DRC8: variants seen among roughly 807,000 people sequenced by gnomAD.
DRC8 encodes the protein dynein regulatory complex protein 8.
At chr1:245,095,785 TAATTG>T in the DRC8 span, among the ~76,000 whole-genome samples, 363 of 152,292 alleles carry the variant, frequency 2.4e-3, no homozygotes, top group South Asian at 0.011. Flanking sequence ...AATCTTAATT[TAATTG>T]TTCACTTAGA....
the DRC8 span, among the ~76,000 whole-genome samples, chr1:245,109,011 T>C: frequency 1.3e-5 from 2 of 152,072 alleles, no homozygotes; most frequent in Admixed American, 6.5e-5. Flanking sequence ...CAATAGTATG[T>C]GAGTAGGGAA....
At chr1:244,998,198 A>G in the DRC8 span, among the ~76,000 whole-genome samples, 1 of 151,638 alleles carries the variant, frequency 6.6e-6, no homozygotes, top group Admixed American at 6.6e-5. Context: ...CCTTACATAT[A>G]TATTTATTTT....
the DRC8 span, among the ~76,000 whole-genome samples, chr1:245,054,641 T>C: frequency 6.6e-6 from 1 of 152,278 alleles, no homozygotes; most frequent in East Asian, 1.9e-4. Context: ...TCTTGGATCG[T>C]TCCTTGAATG....
chr1:244,997,267 C>T, the DRC8 span, among the ~76,000 whole-genome samples: 5 of 151,772 alleles, frequency 3.3e-5, no homozygotes, highest in African/African-American at 7.3e-5. Flanking sequence ...TCCTTTGGAG[C>T]GTCAGACTTA....
At chr1:245,066,261 C>T in the DRC8 span, among the ~76,000 whole-genome samples, 1 of 152,190 alleles carries the variant, frequency 6.6e-6, no homozygotes. Context: ...GCCTCCTTAA[C>T]ACAGAAGTTT....
the DRC8 span, among the ~76,000 whole-genome samples, chr1:244,973,961 A>T: frequency 6.6e-6 from 1 of 152,182 alleles, no homozygotes; most frequent in East Asian, 1.9e-4. Flanking sequence ...CATACAGTAT[A>T]ATTTATTTTT....
chr1:245,021,851 T>G, the DRC8 span, among the ~76,000 whole-genome samples: 1 of 152,198 alleles, frequency 6.6e-6, no homozygotes, highest in Non-Finnish European at 1.5e-5. Context: ...AATACATATT[T>G]TGTTTTAGAG....
At chr1:245,058,362 T>G in the DRC8 span, among the ~76,000 whole-genome samples, 1 of 152,226 alleles carries the variant, frequency 6.6e-6, no homozygotes, top group Non-Finnish European at 1.5e-5. Context: ...CTTCATTTAT[T>G]AAGAAGGAAG....
At chr1:245,083,669 C>G in the DRC8 span, 1 of 1,610,452 alleles carries the variant, frequency 6.2e-7, no homozygotes, top group Non-Finnish European at 8.5e-7. Context: ...ACGAGCTGAT[C>G]AAGTATATGA....
At chr1:245,061,146 T>G in the DRC8 span, among the ~76,000 whole-genome samples, 1 of 152,274 alleles carries the variant, frequency 6.6e-6, no homozygotes, top group Non-Finnish European at 1.5e-5. Flanking sequence ...TATAGCCATG[T>G]GGCCTTCAAT....
chr1:245,002,092 G>A, the DRC8 span: 216 of 1,546,616 alleles, frequency 1.4e-4, 4 homozygotes, highest in Admixed American at 3.9e-3. Context: ...TGATCACCAA[G>A]TACTCTTCAT....
chr1:244,975,517 A>T, the DRC8 span, among the ~76,000 whole-genome samples: 1 of 152,198 alleles, frequency 6.6e-6, no homozygotes, highest in African/African-American at 2.4e-5. Context: ...TGTAATGGGG[A>T]CAATGTTTTC....
the DRC8 span, among the ~76,000 whole-genome samples, chr1:245,017,929 CA>C: frequency 1.3e-5 from 2 of 151,970 alleles, no homozygotes; most frequent in Non-Finnish European, 2.9e-5. Flanking sequence ...CCACACACAT[CA>C]AAGAAAAGCA....
chr1:245,017,542 T>G, the DRC8 span, among the ~76,000 whole-genome samples: 3 of 119,614 alleles, frequency 2.5e-5, no homozygotes, highest in Admixed American at 9.1e-5. Flanking sequence ...TATACTGTAT[T>G]CTCATTGCCT....
At chr1:245,059,256 T>C in the DRC8 span, 2 of 646,412 alleles carry the variant, frequency 3.1e-6, no homozygotes, top group Non-Finnish European at 5.3e-6. Context: ...AAAACATCTT[T>C]TATAATCATG....
chr1:245,015,829 GTC>G, the DRC8 span: 1 of 177,444 alleles, frequency 5.6e-6, no homozygotes, highest in Non-Finnish European at 1.2e-5. Context: ...CTCCTGACTG[GTC>G]TCTCTGCTTC....
chr1:245,104,813 T>C, the DRC8 span, among the ~76,000 whole-genome samples: 1 of 152,260 alleles, frequency 6.6e-6, no homozygotes, highest in African/African-American at 2.4e-5. Context: ...TAATGTCCGA[T>C]ATGCAATACT....
chr1:245,039,593 T>G, the DRC8 span, among the ~76,000 whole-genome samples: 7 of 152,122 alleles, frequency 4.6e-5, no homozygotes, highest in Non-Finnish European at 8.8e-5. Flanking sequence ...GAACTAGAGA[T>G]GTACTGGAGT....
chr1:244,999,057 T>TGA, the DRC8 span, among the ~76,000 whole-genome samples: 1 of 13,938 alleles, frequency 7.2e-5, no homozygotes, highest in Non-Finnish European at 1.3e-4. Context: ...GGATCCTGGG[T>TGA]CAAAAAAAAA....
Sources: gnomAD v4.1 joint callset for allele counts (sites outside exome capture counted in the v4.1 genomes callset) on GRCh38, gnomAD v4.1.1 for gene constraint, MANE v1.5 for transcripts, NCBI Gene and HGNC (gene_info 2026-07-23, HGNC 2026-07-21) for gene names.